RABGAP1L: variants seen among roughly 807,000 people sequenced by gnomAD.
RABGAP1L encodes RAB GTPase activating protein 1 like.
A neutral mutation model predicts 137.7 loss-of-function variants in RABGAP1L; 63 were observed. The ratio of observed to expected loss-of-function variants is 0.46; its 90% CI spans 0.37 to 0.56. The LOEUF is 0.56. Among genes scored for constraint, RABGAP1L ranks in the 20% least tolerant of loss-of-function variants. RABGAP1L has a pLI of 0.00. For missense variants in RABGAP1L, 1,095 were observed against 1,244.0 expected (o/e 0.88, Z 1.80); for synonymous variants, 431 against 433.7 (o/e 0.99, Z 0.08).
chr1:174,604,143 C>T (rs1447191705), intron 13 of RABGAP1L, among the ~76,000 whole-genome samples: 1 of 152,036 alleles, frequency 6.6e-6, no homozygotes, highest in African/African-American at 2.4e-5. Context: ...GTCCTTGTGG[C>T]CTAGACTGCC....
chr1:174,523,660 TTTTGAAATATATGATAATACTGTTG>T (rs1215568115), intron 13 of RABGAP1L, among the ~76,000 whole-genome samples: 1 of 152,198 alleles, frequency 6.6e-6, no homozygotes, highest in Non-Finnish European at 1.5e-5. Flanking sequence ...CTTCTAGTGG[TTTTGAAATATATGATAATACTGTTG>T]TTAACTATAG....
chr1:174,447,908 C>G (rs867291811), intron 13 of RABGAP1L, among the ~76,000 whole-genome samples: 1 of 132,454 alleles, frequency 7.5e-6, no homozygotes, highest in Non-Finnish European at 1.6e-5. Flanking sequence ...CCCACCCCCC[C>G]GCCCGAAAGC....
intron 13 of RABGAP1L, among the ~76,000 whole-genome samples, chr1:174,460,351 G>A (rs1656541087): frequency 6.6e-6 from 1 of 151,970 alleles, no homozygotes; most frequent in Non-Finnish European, 1.5e-5. Context: ...ATTACGCATA[G>A]TTCTCTACCC....
intron 11 of RABGAP1L, among the ~76,000 whole-genome samples, chr1:174,359,953 A>G (rs1371108404): frequency 6.6e-6 from 1 of 152,196 alleles, no homozygotes; most frequent in Non-Finnish European, 1.5e-5. Flanking sequence ...TTGGCCAAGT[A>G]CTGTTTTTCC....
chr1:174,451,102 CT>C (rs2149257909), intron 13 of RABGAP1L, among the ~76,000 whole-genome samples: 1 of 152,204 alleles, frequency 6.6e-6, no homozygotes, highest in South Asian at 2.1e-4. Flanking sequence ...GAATCAAAAT[CT>C]GATTGTTTTA....
At chr1:174,622,913 A>T (rs187376512) in intron 13 of RABGAP1L, among the ~76,000 whole-genome samples, 1 of 152,302 alleles carries the variant, frequency 6.6e-6, no homozygotes, top group East Asian at 1.9e-4. Flanking sequence ...TTTGAAATGA[A>T]TTAGCGACTG....
At chr1:174,498,439 A>G (rs1470612621) in intron 13 of RABGAP1L, among the ~76,000 whole-genome samples, 1 of 152,152 alleles carries the variant, frequency 6.6e-6, no homozygotes, top group East Asian at 1.9e-4. Context: ...TATTGAACTT[A>G]TGGATATGGG....
At chr1:174,659,911 T>C (rs1199143870) in intron 14 of RABGAP1L, among the ~76,000 whole-genome samples, 1 of 152,098 alleles carries the variant, frequency 6.6e-6, no homozygotes, top group Admixed American at 6.5e-5. Flanking sequence ...CCTCTTACAC[T>C]ACATGTTGAG....
chr1:174,804,609 G>A (rs933138651), intron 18 of RABGAP1L, among the ~76,000 whole-genome samples: 4 of 152,036 alleles, frequency 2.6e-5, no homozygotes, highest in African/African-American at 9.7e-5. Flanking sequence ...CACCGTGCCC[G>A]GCCTCCCTCG....
intron 1 of RABGAP1L, among the ~76,000 whole-genome samples, chr1:174,196,955 C>G (rs531867709): frequency 6.6e-6 from 1 of 151,870 alleles, no homozygotes; most frequent in Non-Finnish European, 1.5e-5. Flanking sequence ...TGTTTTATAA[C>G]AAAGGTAGAT....
At chr1:174,161,835 C>T (rs1215065190) in intron 1 of RABGAP1L, among the ~76,000 whole-genome samples, 1 of 152,130 alleles carries the variant, frequency 6.6e-6, no homozygotes, top group African/African-American at 2.4e-5. Context: ...CTCAAGAGAT[C>T]CTCCCACCTC....
intron 13 of RABGAP1L, among the ~76,000 whole-genome samples, chr1:174,553,798 T>A (rs1666705331): frequency 6.6e-6 from 1 of 152,062 alleles, no homozygotes; most frequent in African/African-American, 2.4e-5. Flanking sequence ...CCCAGGAGTT[T>A]GAAACCAGCC....
chr1:174,947,646 C>G (rs995823116), intron 19 of RABGAP1L, among the ~76,000 whole-genome samples: 4 of 152,042 alleles, frequency 2.6e-5, no homozygotes, highest in African/African-American at 9.7e-5. Flanking sequence ...TCTCAAACTC[C>G]CGACCTCAGG....
At chr1:174,695,756 C>T (rs1052239869) in intron 15 of RABGAP1L, among the ~76,000 whole-genome samples, 1 of 152,198 alleles carries the variant, frequency 6.6e-6, no homozygotes. Flanking sequence ...CTTGAGAAGG[C>T]TTTCCAAAGG....
chr1:174,874,757 G>T (rs760460528), intron 19 of RABGAP1L, among the ~76,000 whole-genome samples: 1 of 151,934 alleles, frequency 6.6e-6, no homozygotes, highest in African/African-American at 2.4e-5. Flanking sequence ...TGGTGTAGCT[G>T]TTATTTCTGA....
intron 17 of RABGAP1L, among the ~76,000 whole-genome samples, chr1:174,719,118 C>T (rs1247543783): frequency 1.3e-5 from 2 of 152,050 alleles, no homozygotes; most frequent in South Asian, 2.1e-4. Context: ...GGATTACAGG[C>T]GTGAGCCACC....
chr1:174,380,605 G>C (rs1267679684), intron 12 of RABGAP1L, among the ~76,000 whole-genome samples: 2 of 151,996 alleles, frequency 1.3e-5, no homozygotes, highest in Non-Finnish European at 2.9e-5. Context: ...TCTGATGGTA[G>C]TTTGTATTTC....
chr1:174,171,232 C>T (rs558701862), intron 1 of RABGAP1L, among the ~76,000 whole-genome samples: 9 of 152,100 alleles, frequency 5.9e-5, no homozygotes, highest in Admixed American at 2.0e-4. Flanking sequence ...CTCAAATTAG[C>T]GAGATATGCC....
At chr1:174,553,813 C>T (rs974292949) in intron 13 of RABGAP1L, among the ~76,000 whole-genome samples, 4 of 152,224 alleles carry the variant, frequency 2.6e-5, no homozygotes, top group South Asian at 4.1e-4. Flanking sequence ...CCAGCCTGGG[C>T]AATATGGCGA....
Sources: gnomAD v4.1 joint callset for allele counts (sites outside exome capture counted in the v4.1 genomes callset) on GRCh38, gnomAD v4.1.1 for gene constraint, MANE v1.5 for transcripts, NCBI Gene and HGNC (gene_info 2026-07-23, HGNC 2026-07-21) for gene names.